The following PTPRN2 variants were observed in gnomAD, a reference collection of about 807,000 sequenced individuals.
The protein encoded by PTPRN2 is protein tyrosine phosphatase receptor type N2.
PTPRN2 carries 74 observed loss-of-function variants against 118.8 expected under a neutral mutation model. The ratio of observed to expected loss-of-function variants is 0.62; its 90% CI spans 0.52 to 0.76. The LOEUF (loss-of-function observed/expected upper bound fraction) is 0.76, where lower values mean the gene tolerates loss of function less well. PTPRN2 is among the 30% of genes least tolerant of loss of function. The pLI is 0.00. For synonymous variants in PTPRN2, 641 were observed against 608.0 expected (o/e 1.05, Z -0.80); for missense variants, 1,481 against 1,394.4 (o/e 1.06, Z -0.99).
intron 3 of PTPRN2, among the ~76,000 whole-genome samples, chr7:158,288,140 A>G (rs1563091659): frequency 6.6e-6 from 1 of 152,126 alleles, no homozygotes; most frequent in East Asian, 1.9e-4. Context: ...CTTCATTTGC[A>G]TGAAATATCT....
rs868715729 is a variant in PTPRN2, at chr7:157,568,829, C to A, written c.2902+73G>T. On this transcript the variant is annotated intron_variant, in intron 21 of 22. Transcript: ENST00000389418. ...TTTTTTCCAGGGCCTCCCGTGAACA[C>A]GGCACCCTACGTTGCCATAGCGACG... 88 of 1,455,588 alleles carry A rather than the reference C, an allele frequency of 6.0e-5. No homozygotes were observed. The Middle Eastern group carries it at 1.7e-3, about 29-fold the overall frequency. 90.2% of individuals were successfully genotyped at this position (1,455,588 alleles called of 1,614,324 possible).
At chr7:158,124,801 C>T (rs1817485354) in intron 9 of PTPRN2, among the ~76,000 whole-genome samples, 1 of 152,198 alleles carries the variant, frequency 6.6e-6, no homozygotes, top group South Asian at 2.1e-4. Flanking sequence ...GGGCTGGGGT[C>T]TGTATCTCAG....
chr7:158,340,920 A>C, intron 2 of PTPRN2, among the ~76,000 whole-genome samples: 1 of 85,068 alleles, frequency 1.2e-5, no homozygotes, highest in South Asian at 5.1e-4. Context: ...TCACACCCAC[A>C]CACGTCAATC....
At chr7:158,482,126 C>T (rs966220394) in intron 2 of PTPRN2, among the ~76,000 whole-genome samples, 3 of 152,140 alleles carry the variant, frequency 2.0e-5, no homozygotes, top group African/African-American at 4.8e-5. Flanking sequence ...TTCCTAGGGA[C>T]GAGCAAAGAA....
intron 13 of PTPRN2, among the ~76,000 whole-genome samples, chr7:157,664,531 T>C (rs1396058119): frequency 2.6e-5 from 4 of 152,292 alleles, no homozygotes; most frequent in African/African-American, 9.6e-5. Context: ...CTTTGGGAAG[T>C]AGGTGGGAGG....
chr7:157,863,477 G>A (rs1810395508), intron 12 of PTPRN2: 1 of 152,228 alleles, frequency 6.6e-6, no homozygotes, highest in African/African-American at 2.4e-5. Flanking sequence ...AGTTGATGCT[G>A]AACACCTGGC....
chr7:157,898,792 C>G, intron 11 of PTPRN2, 55 bp from the exon 12 acceptor site: 1 of 1,441,382 alleles, frequency 6.9e-7, no homozygotes, highest in South Asian at 1.1e-5. Context: ...CCTCAGTCTC[C>G]GGGCACCTCT....
chr7:158,329,863 TG>T (rs1315466525), intron 2 of PTPRN2, among the ~76,000 whole-genome samples: 26 of 152,146 alleles, frequency 1.7e-4, no homozygotes, highest in Non-Finnish European at 4.4e-5. Context: ...AGACTGTAGA[TG>T]CCAGCGTCTG....
At chr7:158,568,403 C>G (rs1184767255) in intron 1 of PTPRN2, among the ~76,000 whole-genome samples, 1 of 152,002 alleles carries the variant, frequency 6.6e-6, no homozygotes, top group Admixed American at 6.6e-5. Context: ...ATATGTCACT[C>G]CCAGAGGCGG....
chr7:158,017,120 T>G (rs1806516909), intron 11 of PTPRN2, among the ~76,000 whole-genome samples: 1 of 152,252 alleles, frequency 6.6e-6, no homozygotes, highest in Non-Finnish European at 1.5e-5. Context: ...AAGGGCCCAG[T>G]GGTGCTTCTT....
intron 2 of PTPRN2, among the ~76,000 whole-genome samples, chr7:158,471,817 A>C (rs1426780731): frequency 6.6e-6 from 1 of 152,222 alleles, no homozygotes; most frequent in Non-Finnish European, 1.5e-5. Context: ...GCAACCAAGA[A>C]GACTCTGACA....
At chr7:158,404,953 C>T (rs1372890153) in intron 2 of PTPRN2, among the ~76,000 whole-genome samples, 2 of 145,070 alleles carry the variant, frequency 1.4e-5, no homozygotes, top group Non-Finnish European at 3.0e-5. Flanking sequence ...TCCCCAGCTC[C>T]CAGCTCCCTG....
chr7:158,488,005 C>G (rs1193139834), intron 2 of PTPRN2, among the ~76,000 whole-genome samples: 3 of 152,082 alleles, frequency 2.0e-5, no homozygotes, highest in Non-Finnish European at 4.4e-5. Context: ...GTCTGGGAGG[C>G]AAGTCAAGGT....
chr7:158,033,368 T>C (rs1410587568), intron 11 of PTPRN2, among the ~76,000 whole-genome samples: 1 of 152,198 alleles, frequency 6.6e-6, no homozygotes, highest in Non-Finnish European at 1.5e-5. Context: ...GATAAGGAGT[T>C]TGGCTAGCCT....
chr7:158,475,707 C>T (rs1247892897), intron 2 of PTPRN2, among the ~76,000 whole-genome samples: 1 of 152,196 alleles, frequency 6.6e-6, no homozygotes, highest in African/African-American at 2.4e-5. Context: ...AGCAGCTATT[C>T]TAACTACTGT....
At position 157,784,966 on chromosome 7, in the gene PTPRN2, C is replaced by T. The variant is rs1803932769; in HGVS notation, c.1789-102029G>A. Among the ~76,000 whole-genome samples, 1 of 152,160 alleles carries T rather than the reference C, an allele frequency of 6.6e-6. No homozygotes were observed. On this transcript the variant is annotated intron_variant, in intron 12 of 22. Transcript: ENST00000389418. The surrounding 1 kb of genome is among the most constrained non-coding windows in gnomAD (Gnocchi z 4.6). Reference sequence around the variant, plus strand: ...TGAGCAGTGGGGCTGGAGAGGAGAGCAGAGGGAGCCGAGGCCCTCTGTCCA... The same window carrying T: ...TGAGCAGTGGGGCTGGAGAGGAGAGTAGAGGGAGCCGAGGCCCTCTGTCCA...
chr7:157,994,556 A>G (rs138099083), intron 11 of PTPRN2, among the ~76,000 whole-genome samples: 8,845 of 111,656 alleles, frequency 0.079, 742 homozygotes, highest in African/African-American at 0.15. Context: ...TAAAATCAGC[A>G]CCGCGTCCCC....
intron 11 of PTPRN2, among the ~76,000 whole-genome samples, chr7:158,054,103 G>GAGAGACCCCAGAGATGC (rs1809597422): frequency 2.1e-5 from 3 of 145,660 alleles, no homozygotes; most frequent in South Asian, 2.2e-4. Flanking sequence ...TCCAGAGACG[G>GAGAGACCCCAGAGATGC]AGAGACCCCA....
intron 14 of PTPRN2, among the ~76,000 whole-genome samples, chr7:157,646,638 G>A (rs1020744145): frequency 2.6e-5 from 4 of 152,148 alleles, no homozygotes; most frequent in African/African-American, 7.2e-5. Flanking sequence ...GGGGAGGCTG[G>A]GTCCCACTGG....
Sources: allele counts gnomAD v4.1 joint callset (sites outside exome capture counted in the v4.1 genomes callset), GRCh38; gene constraint gnomAD v4.1.1; non-coding constraint Gnocchi (gnomAD v3.1); transcripts MANE v1.5; gene names NCBI Gene and HGNC (gene_info 2026-07-23, HGNC 2026-07-21).